PPP3CA: variants seen among roughly 807,000 people sequenced by gnomAD.
PPP3CA encodes the protein CAM-PRP catalytic subunit.
Under a neutral mutation model 66.5 loss-of-function variants are expected in PPP3CA, and 14 were observed. That is an observed-to-expected ratio of 0.21 (90% CI 0.14 to 0.33). The LOEUF is 0.33. Ranked by LOEUF, PPP3CA falls within the 10% of genes least tolerant of loss-of-function variation. The probability of loss-of-function intolerance (pLI) is 1.00; values close to 1 mark genes in which losing one functional copy is unlikely to be tolerated. For synonymous variants in PPP3CA, 232 were observed against 226.2 expected, an observed-to-expected ratio of 1.03 and a Z score of -0.23; for missense variants, 317 against 639.5, an observed-to-expected ratio of 0.50 and a Z score of 5.44.
intron 2 of PPP3CA, among the ~76,000 whole-genome samples, chr4:101,140,064 GTAT>G (rs1722755711): frequency 6.6e-6 from 1 of 151,962 alleles, no homozygotes; most frequent in South Asian, 2.1e-4. Flanking sequence ...TACTAGAATA[GTAT>G]TATGACTAGA....
chr4:101,027,960 C>CAAACT (rs1191575154), intron 13 of PPP3CA, among the ~76,000 whole-genome samples: 5 of 152,080 alleles, frequency 3.3e-5, no homozygotes, highest in Admixed American at 6.6e-5. Flanking sequence ...AGAAAACAGC[C>CAAACT]AAACTATCAA....
chr4:101,225,689 G>T (rs1725760176), intron 1 of PPP3CA, among the ~76,000 whole-genome samples: 1 of 151,558 alleles, frequency 6.6e-6, no homozygotes, highest in South Asian at 2.1e-4. Context: ...AATAGAAAAA[G>T]TAAAGGTGTC....
Position 101,231,521 on chromosome 4 carries a change from T to G in PPP3CA, c.59-35405A>C, listed in dbSNP as rs1725962491. On this transcript the variant is annotated intron_variant, in intron 1 of 13. Coordinates refer to ENST00000394854, the MANE Select transcript of PPP3CA (RefSeq NM_000944.5). ...TTTGACAAATGAAGACTAGCTTTTG[T>G]AATGAGAGAATGTGGTGGGCATTTT... 2.0e-5 allele frequency among the ~76,000 whole-genome samples: 3 copies of G among 151,758 alleles called. No individual in the cohort carries two copies. The South Asian group carries it at 6.2e-4, about 31-fold the overall frequency.
chr4:101,107,734 C>T (rs1721478739), intron 3 of PPP3CA, among the ~76,000 whole-genome samples: 1 of 152,118 alleles, frequency 6.6e-6, no homozygotes, highest in South Asian at 2.1e-4. Flanking sequence ...GGATGACATG[C>T]TTTTCAACCT....
intron 10 of PPP3CA, among the ~76,000 whole-genome samples, chr4:101,042,173 C>CT (rs558866853): frequency 0.055 from 4,970 of 91,068 alleles, 374 homozygotes; most frequent in African/African-American, 0.15. Context: ...AAGGTCTTTG[C>CT]TTTTTTTTTT....
intron 1 of PPP3CA, among the ~76,000 whole-genome samples, chr4:101,244,063 T>G (rs1726398365): frequency 6.6e-6 from 1 of 152,214 alleles, no homozygotes; most frequent in Admixed American, 6.5e-5. Context: ...GTATATTGAC[T>G]TGCCTATGCC....
chr4:101,034,608 C>T (rs973200470), intron 11 of PPP3CA, among the ~76,000 whole-genome samples: 16 of 151,744 alleles, frequency 1.1e-4, no homozygotes, highest in South Asian at 2.1e-4. Flanking sequence ...ACATAGCTCA[C>T]ATTTCAAAAA....
rs962993371 is a variant in PPP3CA, at chr4:101,186,741, C to A, written c.259+9175G>T. Among the ~76,000 whole-genome samples the A allele has an allele frequency of 3.9e-5, 6 of 152,240 alleles. 2 individuals are homozygous for A. On this transcript the variant is annotated intron_variant, in intron 2 of 13. Transcript: ENST00000394854. ...ACTATCTGCACACTCTGTCACAGCA[C>A]AGCCCTCTCAGTCTTTACTTACATC...
chr4:101,036,659 G>A (rs1578392862), intron 11 of PPP3CA, among the ~76,000 whole-genome samples: 5 of 152,176 alleles, frequency 3.3e-5, no homozygotes, highest in East Asian at 1.9e-4. Context: ...TGATCCACCC[G>A]CCTTGGCCTC....
At chr4:101,053,411 T>C (rs1327428754) in intron 10 of PPP3CA, among the ~76,000 whole-genome samples, 1 of 152,136 alleles carries the variant, frequency 6.6e-6, no homozygotes, top group African/African-American at 2.4e-5. Flanking sequence ...TTGTGCTCTG[T>C]CATCACTCCT....
chr4:101,309,460 T>C (rs1320988350), intron 1 of PPP3CA, among the ~76,000 whole-genome samples: 3 of 151,506 alleles, frequency 2.0e-5, no homozygotes, highest in Non-Finnish European at 4.4e-5. Flanking sequence ...TATAAACACT[T>C]GAAACTAAAA....
At chr4:101,172,284 T>C (rs1478819312) in intron 2 of PPP3CA, among the ~76,000 whole-genome samples, 1 of 152,134 alleles carries the variant, frequency 6.6e-6, no homozygotes, top group Non-Finnish European at 1.5e-5. Flanking sequence ...TTCTGACACT[T>C]CTATCTGCGG....
chr4:101,263,898 T>C (rs188142852), intron 1 of PPP3CA, among the ~76,000 whole-genome samples: 1 of 152,318 alleles, frequency 6.6e-6, no homozygotes, highest in Non-Finnish European at 1.5e-5. Flanking sequence ...TATCTTCTCC[T>C]GATCACTCTT....
At chr4:101,138,294 G>A (rs1722687436) in intron 2 of PPP3CA, among the ~76,000 whole-genome samples, 1 of 152,064 alleles carries the variant, frequency 6.6e-6, no homozygotes, top group South Asian at 2.1e-4. Context: ...CTTTCCTTAA[G>A]TGCATAATTT....
At chr4:101,339,265 T>C (rs1474473756) in intron 1 of PPP3CA, among the ~76,000 whole-genome samples, 1 of 152,214 alleles carries the variant, frequency 6.6e-6, no homozygotes, top group Non-Finnish European at 1.5e-5. Flanking sequence ...GGTCATTTTA[T>C]CTTCAAGTCC....
chr4:101,318,744 C>T (rs930286346), intron 1 of PPP3CA, among the ~76,000 whole-genome samples: 3 of 152,166 alleles, frequency 2.0e-5, no homozygotes, highest in South Asian at 4.2e-4. Context: ...AGTTGGGGTC[C>T]AAAACCTTAT....
At chr4:101,063,411 T>C (rs528007316) in intron 8 of PPP3CA, 54 bp from the exon 9 acceptor site, 4 of 1,567,782 alleles carry the variant, frequency 2.6e-6, no homozygotes, top group Non-Finnish European at 3.5e-6. Flanking sequence ...TCTGCTTCTA[T>C]GTATGGCTTT....
At chr4:101,052,784 T>C (rs1728067030) in intron 10 of PPP3CA, among the ~76,000 whole-genome samples, 1 of 151,972 alleles carries the variant, frequency 6.6e-6, no homozygotes, top group Admixed American at 6.6e-5. Flanking sequence ...CTTGAAAAAA[T>C]AATATGGACT....
intron 2 of PPP3CA, among the ~76,000 whole-genome samples, chr4:101,155,813 T>C (rs1485778127): frequency 6.6e-6 from 1 of 152,244 alleles, no homozygotes; most frequent in Non-Finnish European, 1.5e-5. Context: ...AAGCAGGAAA[T>C]ATCTTTTAAC....
Sources: gnomAD v4.1 joint callset for allele counts (sites outside exome capture counted in the v4.1 genomes callset) on GRCh38, gnomAD v4.1.1 for gene constraint, MANE v1.5 for transcripts, NCBI Gene and HGNC (gene_info 2026-07-23, HGNC 2026-07-21) for gene names.